The following ST6GALNAC3 variants were observed in gnomAD, a reference collection of about 807,000 sequenced individuals.
ST6GALNAC3 encodes the protein ST6 N-acetylgalactosaminide alpha-2,6-sialyltransferase 3.
Under a neutral mutation model 32.7 loss-of-function variants are expected in ST6GALNAC3, and 25 were observed. The ratio of observed to expected loss-of-function variants is 0.76; its 90% CI spans 0.56 to 1.07. The LOEUF is 1.07. Ranked by LOEUF, ST6GALNAC3 falls within the 50% of genes least tolerant of loss-of-function variation. ST6GALNAC3 has a pLI of 0.00. For missense variants in ST6GALNAC3, 355 were observed against 382.4 expected (o/e 0.93, Z 0.60); for synonymous variants, 129 against 133.1 (o/e 0.97, Z 0.21).
intron 3 of ST6GALNAC3, among the ~76,000 whole-genome samples, chr1:76,453,719 G>T (rs1247709143): frequency 6.6e-6 from 1 of 152,102 alleles, no homozygotes; most frequent in Non-Finnish European, 1.5e-5. Flanking sequence ...CTTGGAGAAT[G>T]TTCCATGTGC....
At chr1:76,582,166 G>A (rs1191415191) in intron 3 of ST6GALNAC3, among the ~76,000 whole-genome samples, 4 of 152,194 alleles carry the variant, frequency 2.6e-5, no homozygotes, top group East Asian at 1.9e-4. Flanking sequence ...TGACTCTGAC[G>A]TGCAGATGAA....
In ST6GALNAC3 at chr1:76,630,034, T is replaced by A. The variant is rs578161510; in HGVS notation, c.*1228T>A. On this transcript the variant is annotated 3_prime_UTR_variant, in exon 5 of 5. Transcript: ENST00000328299. ...AAGTGCTTTGTCATTTAGAGTCCTT[T>A]AACATCTGTTATACCATGTGATGCC... is the stretch of plus-strand genomic sequence containing the variant. 1.0e-6 allele frequency: 1 copy of A among 985,254 alleles called. No individual in the cohort carries two copies. Among genetic ancestry groups the A allele is most frequent in the South Asian group, 4.7e-5 (1 of 21,290 alleles). 61.0% of individuals were successfully genotyped at this position (985,254 alleles called of 1,614,324 possible).
intron 1 of ST6GALNAC3, among the ~76,000 whole-genome samples, chr1:76,094,625 T>G (rs1647098003): frequency 6.6e-6 from 1 of 152,172 alleles, no homozygotes; most frequent in Admixed American, 6.5e-5. Flanking sequence ...TTATACTGAT[T>G]CCAGTGATGG....
chr1:76,346,021 C>T (rs1648479164), intron 2 of ST6GALNAC3, among the ~76,000 whole-genome samples: 1 of 151,754 alleles, frequency 6.6e-6, no homozygotes, highest in Non-Finnish European at 1.5e-5. Context: ...AATGTCAGCC[C>T]CCACTACCAT....
At chr1:76,618,151 C>A (rs1648415034) in intron 3 of ST6GALNAC3, among the ~76,000 whole-genome samples, 1 of 152,150 alleles carries the variant, frequency 6.6e-6, no homozygotes, top group Admixed American at 6.5e-5. Flanking sequence ...CTACCTAGAC[C>A]AATCCTCTTA....
chr1:76,358,488 T>C (rs1376456869), intron 2 of ST6GALNAC3, among the ~76,000 whole-genome samples: 2 of 152,178 alleles, frequency 1.3e-5, no homozygotes, highest in African/African-American at 4.8e-5. Context: ...TCCAAGCCTC[T>C]AGTTTTTACC....
chr1:76,612,087 A>G (rs868774319), intron 3 of ST6GALNAC3, among the ~76,000 whole-genome samples: 1 of 152,190 alleles, frequency 6.6e-6, no homozygotes, highest in African/African-American at 2.4e-5. Context: ...CCATGCTTGC[A>G]TGTTTTTCTT....
At chr1:76,102,102 T>A (rs1030363630) in intron 1 of ST6GALNAC3, among the ~76,000 whole-genome samples, 3 of 152,200 alleles carry the variant, frequency 2.0e-5, no homozygotes, top group Non-Finnish European at 2.9e-5. Flanking sequence ...ATAATATGAC[T>A]GTAGACTTGT....
At chr1:76,314,120 G>A in intron 2 of ST6GALNAC3, 121 bp downstream of exon 2, 1 of 842,134 alleles carries the variant, frequency 1.2e-6, no homozygotes, top group Non-Finnish European at 1.7e-6. Context: ...GCTTGCTTGG[G>A]TCCCTGACAA....
chr1:76,257,819 G>A lies in ST6GALNAC3; in HGVS notation c.19-55986G>A, dbSNP rs549027164. On this transcript the variant is annotated intron_variant, in intron 1 of 4. Coordinates refer to ENST00000328299, the MANE Select transcript of ST6GALNAC3 (RefSeq NM_152996.4). ...ACTGGAAAAAAGAATAGGATAGAGG[G>A]CTAATGATGTTATTTTATTTTTGTC... is the stretch of plus-strand genomic sequence containing the variant. Among the ~76,000 whole-genome samples the A allele has an allele frequency of 3.3e-5, 5 of 152,170 alleles. No homozygotes were observed. In the East Asian group the frequency reaches 9.7e-4, roughly 29 times the overall value.
intron 2 of ST6GALNAC3, among the ~76,000 whole-genome samples, chr1:76,378,715 G>A (rs567779454): frequency 3.9e-5 from 6 of 151,916 alleles, no homozygotes; most frequent in African/African-American, 1.2e-4. Flanking sequence ...TTTGTACAAA[G>A]GATCATCGTG....
intron 3 of ST6GALNAC3, among the ~76,000 whole-genome samples, chr1:76,521,876 C>G (rs1662559780): frequency 6.6e-6 from 1 of 152,060 alleles, no homozygotes; most frequent in African/African-American, 2.4e-5. Context: ...CGAGACCAGC[C>G]TGGGCAACAC....
At chr1:76,599,719 TGTGTGTG>T (rs1570411666) in intron 3 of ST6GALNAC3, among the ~76,000 whole-genome samples, 78 of 35,910 alleles carry the variant, frequency 2.2e-3, no homozygotes, top group African/African-American at 2.8e-3. Context: ...TACCGTATCG[TGTGTGTG>T]TGTGTGTGTG....
chr1:76,610,918 C>T (rs887054581), intron 3 of ST6GALNAC3, among the ~76,000 whole-genome samples: 2 of 152,144 alleles, frequency 1.3e-5, no homozygotes, highest in Admixed American at 6.5e-5. Flanking sequence ...AGCAGGCGCC[C>T]AGCTACGTGC....
chr1:76,500,968 A>G (rs1358965001), intron 3 of ST6GALNAC3, among the ~76,000 whole-genome samples: 1 of 152,220 alleles, frequency 6.6e-6, no homozygotes, highest in East Asian at 1.9e-4. Context: ...ATGTAACTAC[A>G]TATTCATAAA....
At chr1:76,155,649 T>A (rs1462630705) in intron 1 of ST6GALNAC3, among the ~76,000 whole-genome samples, 11 of 149,914 alleles carry the variant, frequency 7.3e-5, no homozygotes, top group South Asian at 2.1e-4. Flanking sequence ...TTTTTTTTTT[T>A]AATATTTTTA....
intron 2 of ST6GALNAC3, among the ~76,000 whole-genome samples, chr1:76,343,292 A>T (rs1648214736): frequency 6.6e-6 from 1 of 152,184 alleles, no homozygotes; most frequent in African/African-American, 2.4e-5. Context: ...TTTTAGACTC[A>T]TAGTAACAAA....
chr1:76,567,266 A>G (rs1665608598), intron 3 of ST6GALNAC3, among the ~76,000 whole-genome samples: 1 of 152,154 alleles, frequency 6.6e-6, no homozygotes, highest in Non-Finnish European at 1.5e-5. Context: ...TTTCAATATC[A>G]GGTTTAATAT....
At chr1:76,548,671 T>G (rs1346310560) in intron 3 of ST6GALNAC3, among the ~76,000 whole-genome samples, 1 of 152,160 alleles carries the variant, frequency 6.6e-6, no homozygotes, top group Non-Finnish European at 1.5e-5. Flanking sequence ...ATATCATGAT[T>G]AGCTTTCCAA....
Sources: allele counts gnomAD v4.1 joint callset (sites outside exome capture counted in the v4.1 genomes callset), GRCh38; gene constraint gnomAD v4.1.1; transcripts MANE v1.5; gene names NCBI Gene and HGNC (gene_info 2026-07-23, HGNC 2026-07-21).